MICU2: variants seen among roughly 807,000 people sequenced by gnomAD.
MICU2 encodes mitochondrial calcium uptake 2.
MICU2 carries 64 observed loss-of-function variants against 60.4 expected under a neutral mutation model. That is an observed-to-expected ratio of 1.06 (90% confidence interval 0.87 to 1.31). The LOEUF is 1.31. Ranked by LOEUF, MICU2 falls within the 50% of genes most tolerant of loss-of-function variation. The pLI is 0.00. For synonymous variants in MICU2, 201 were observed against 175.0 expected, an observed-to-expected ratio of 1.15 and a Z score of -1.17; for missense variants, 569 against 531.0, an observed-to-expected ratio of 1.07 and a Z score of -0.70.
chr13:21,544,489 C>T (rs972973179), intron 2 of MICU2, among the ~76,000 whole-genome samples: 1 of 94,160 alleles, frequency 1.1e-5, no homozygotes, highest in Non-Finnish European at 2.2e-5. Context: ...CAAAAAAGAA[C>T]ACATACAAAA....
At chr13:21,512,411 C>G (rs1234667419) in intron 7 of MICU2, among the ~76,000 whole-genome samples, 1 of 150,372 alleles carries the variant, frequency 6.7e-6, no homozygotes, top group Non-Finnish European at 1.5e-5. Context: ...TTTTCACACT[C>G]TTGACAGTGT....
intron 4 of MICU2, among the ~76,000 whole-genome samples, chr13:21,528,122 G>A (rs1346611180): frequency 6.6e-6 from 1 of 152,034 alleles, no homozygotes; most frequent in African/African-American, 2.4e-5. Context: ...TATATATATA[G>A]TAAACTACAA....
At chr13:21,503,976 A>G (rs746336179) in intron 8 of MICU2, among the ~76,000 whole-genome samples, 13 of 152,200 alleles carry the variant, frequency 8.5e-5, no homozygotes, top group Non-Finnish European at 1.3e-4. Context: ...TTAAAAAATG[A>G]CTTGCTTGAA....
chr13:21,515,788 A>T (rs1886555903), intron 6 of MICU2: 1 of 168,124 alleles, frequency 5.9e-6, no homozygotes, highest in Admixed American at 6.1e-5. Flanking sequence ...TAGTTCTCTA[A>T]ATCTCTCAGC....
At chr13:21,569,584 T>C (rs1342225071) in intron 1 of MICU2, among the ~76,000 whole-genome samples, 1 of 151,988 alleles carries the variant, frequency 6.6e-6, no homozygotes, top group African/African-American at 2.4e-5. Flanking sequence ...ATTTACTAAT[T>C]TGAGGAGACT....
At chr13:21,493,466 A>T in intron 11 of MICU2, 113 bp from the exon 12 acceptor site, 1 of 682,950 alleles carries the variant, frequency 1.5e-6, no homozygotes, top group South Asian at 2.2e-5. Context: ...AAAATAGTTG[A>T]GGGTGAATTA....
At chr13:21,531,750 G>T (rs1218210596) in intron 4 of MICU2, among the ~76,000 whole-genome samples, 2 of 152,152 alleles carry the variant, frequency 1.3e-5, no homozygotes, top group East Asian at 3.9e-4. Flanking sequence ...GAGCTGGTCT[G>T]CACACTCACG....
intron 4 of MICU2, among the ~76,000 whole-genome samples, chr13:21,529,518 T>C (rs758866138): frequency 9.9e-5 from 15 of 152,132 alleles, no homozygotes; most frequent in Non-Finnish European, 1.5e-5. Flanking sequence ...AGAAGAGTAG[T>C]AAGTGAAGGA....
chr13:21,495,962 A>T (rs1336583914), intron 10 of MICU2, 90 bp downstream of exon 10: 11 of 860,504 alleles, frequency 1.3e-5, no homozygotes, highest in Non-Finnish European at 2.0e-5. Context: ...TTTACTTATA[A>T]TTTGTTCCTT....
At chr13:21,595,392 C>A (rs1012668077) in intron 1 of MICU2, among the ~76,000 whole-genome samples, 1 of 152,234 alleles carries the variant, frequency 6.6e-6, no homozygotes, top group South Asian at 2.1e-4. Flanking sequence ...AGCCCAAAGG[C>A]CCTCACAGAC....
chr13:21,535,293 T>C (rs578237996), intron 4 of MICU2, among the ~76,000 whole-genome samples: 14 of 152,168 alleles, frequency 9.2e-5, no homozygotes, highest in Non-Finnish European at 1.5e-4. Context: ...AAAATTATTA[T>C]AGAACCCTCC....
At chr13:21,499,813 C>T (rs182067870) in intron 9 of MICU2, among the ~76,000 whole-genome samples, 2 of 143,400 alleles carry the variant, frequency 1.4e-5, no homozygotes, top group African/African-American at 2.6e-5. Flanking sequence ...TTTGGGAGGC[C>T]GAGAGTTTGG....
intron 1 of MICU2, among the ~76,000 whole-genome samples, chr13:21,581,465 C>T (rs1043302755): frequency 6.6e-6 from 1 of 152,162 alleles, no homozygotes; most frequent in African/African-American, 2.4e-5. Flanking sequence ...TTCTGGGGTT[C>T]ATAACTCCCT....
intron 1 of MICU2, among the ~76,000 whole-genome samples, chr13:21,580,362 C>T (rs1002663995): frequency 1.3e-5 from 2 of 152,174 alleles, no homozygotes; most frequent in African/African-American, 4.8e-5. Flanking sequence ...TTGTTACATA[C>T]ATACTTTTAA....
chr13:21,519,337 C>T (rs760122741), intron 6 of MICU2, among the ~76,000 whole-genome samples: 1 of 152,152 alleles, frequency 6.6e-6, no homozygotes, highest in Non-Finnish European at 1.5e-5. Flanking sequence ...GGATTACAGG[C>T]GTGAGCTACC....
At chr13:21,596,500 T>C (rs1888694683) in intron 1 of MICU2, among the ~76,000 whole-genome samples, 1 of 151,870 alleles carries the variant, frequency 6.6e-6, no homozygotes. Context: ...CCTGGCTCAC[T>C]GCAACCTCCG....
intron 4 of MICU2, among the ~76,000 whole-genome samples, chr13:21,526,637 T>A (rs893765394): frequency 6.6e-6 from 1 of 152,114 alleles, no homozygotes; most frequent in African/African-American, 2.4e-5. Flanking sequence ...GGAGTTTAGA[T>A]GATCAAAGAT....
At chr13:21,517,759 GAC>G (rs1244340834) in intron 6 of MICU2, among the ~76,000 whole-genome samples, 1 of 148,496 alleles carries the variant, frequency 6.7e-6, no homozygotes, top group East Asian at 1.9e-4. Flanking sequence ...CAGCCTGGGT[GAC>G]AGAGCGAGGA....
intron 2 of MICU2, among the ~76,000 whole-genome samples, chr13:21,546,493 TA>T (rs1449791467): frequency 6.6e-6 from 1 of 152,154 alleles, no homozygotes; most frequent in Non-Finnish European, 1.5e-5. Context: ...GTGTACGAAT[TA>T]GCTTAGAAAA....
Sources: gnomAD v4.1 joint callset for allele counts (sites outside exome capture counted in the v4.1 genomes callset) on GRCh38, gnomAD v4.1.1 for gene constraint, MANE v1.5 for transcripts, NCBI Gene and HGNC (gene_info 2026-07-23, HGNC 2026-07-21) for gene names.